ZNF318: variants seen among roughly 807,000 people sequenced by gnomAD.
ZNF318 encodes zinc finger protein 318.
Under a neutral mutation model 124.2 loss-of-function variants are expected in ZNF318, and 51 were observed. That is an observed-to-expected ratio of 0.41 (90% CI 0.33 to 0.52). The LOEUF is 0.52. ZNF318 is among the 20% of genes least tolerant of loss of function. The pLI, the probability that ZNF318 is intolerant of heterozygous loss-of-function variation, is 0.23. For missense variants in ZNF318, 2,815 were observed against 2,811.2 expected (o/e 1.00, Z -0.03); for synonymous variants, 1,090 against 1,040.7 (o/e 1.05, Z -0.91).
intron 8 of ZNF318, among the ~76,000 whole-genome samples, chr6:43,341,188 C>G (rs1415419872): frequency 1.3e-5 from 2 of 152,168 alleles, no homozygotes; most frequent in Non-Finnish European, 2.9e-5. Flanking sequence ...TGAGTCTCCT[C>G]AAACCCTAAC....
chr6:43,358,792 G>A (rs1214394979), intron 2 of ZNF318, among the ~76,000 whole-genome samples: 1 of 152,088 alleles, frequency 6.6e-6, no homozygotes, highest in African/African-American at 2.4e-5. Flanking sequence ...CTGATCTCAG[G>A]TGATCTGCCC....
intron 3 of ZNF318, among the ~76,000 whole-genome samples, chr6:43,356,463 A>G (rs1779610177): frequency 6.6e-6 from 1 of 152,200 alleles, no homozygotes; most frequent in African/African-American, 2.4e-5. Flanking sequence ...TCCCCAAAAG[A>G]AAAGGAAAAA....
chr6:43,352,195 T>C (rs181985773), intron 5 of ZNF318, among the ~76,000 whole-genome samples, 182 bp downstream of exon 5: 35 of 150,764 alleles, frequency 2.3e-4, no homozygotes, highest in Middle Eastern at 3.5e-3. Context: ...ACCACCACCA[T>C]CATCTGGGAG....
intron 2 of ZNF318, chr6:43,364,320 G>A (rs1779730295): frequency 2.1e-5 from 4 of 189,200 alleles, no homozygotes; most frequent in Non-Finnish European, 2.0e-5. Flanking sequence ...AATATAAAGT[G>A]AATTAAGCCT....
chr6:43,348,833 G>C (rs971061394), intron 5 of ZNF318, among the ~76,000 whole-genome samples: 2 of 152,134 alleles, frequency 1.3e-5, no homozygotes, highest in African/African-American at 4.8e-5. Context: ...AGGTGCTCGA[G>C]ACCAGCCTCA....
Position 43,369,445 on chromosome 6 carries a change from T to C in ZNF318, c.-80A>G, listed in dbSNP as rs1779808599. 4.6e-6 allele frequency: 5 copies of C among 1,091,992 alleles called. No homozygotes were observed. In the South Asian group the frequency reaches 1.8e-4, roughly 39 times the overall value. The allele number at this position is 1,091,992 out of a possible 1,614,324, so 67.6% of individuals were successfully genotyped here. ...CAGGCTCGGAGCGCGCCGCCGCAGC[T>C]GCAGCCGCCGCCACCTCGGCCGCTG... On this transcript the variant is annotated 5_prime_UTR_variant, in exon 1 of 10. Transcript: ENST00000361428.
In ZNF318 at chr6:43,348,540, A is replaced by G. The variant is rs749514702; in HGVS notation, c.2856T>C (p.Ile952=). The G allele has an allele frequency of 2.2e-5, 35 of 1,613,992 alleles. No individual in the cohort carries two copies. The highest frequency in any genetic ancestry group is 2.8e-5 in the Non-Finnish European group (33 of 1,180,032). ...GCCGTAGCTCTGCAATGTCCTTCATAATGTTATCCTGAAGCCGACTCACCT... is the reference window on the plus strand; with the variant it reads ...GCCGTAGCTCTGCAATGTCCTTCATGATGTTATCCTGAAGCCGACTCACCT... ...LVEVSRLQDN[I]MKDIAELRQE... The change falls in exon 6 of 10, where the codon ATT becomes ATC. Residue 952 remains isoleucine (I), a synonymous_variant. Coordinates refer to ENST00000361428, the MANE Select transcript of ZNF318 (RefSeq NM_014345.3).
At position 43,355,253 on chromosome 6, in the gene ZNF318, G is replaced by A; in HGVS notation, c.2081C>T (p.Pro694Leu). 1 of 1,614,194 alleles carries A rather than the reference G, an allele frequency of 6.2e-7. No homozygotes were observed. Among genetic ancestry groups the A allele is most frequent in the Middle Eastern group, 1.6e-4 (1 of 6,062 alleles). The change falls in exon 4 of 10, where the codon CCA becomes CTA. Residue 694 changes from proline to leucine, a missense_variant. Coordinates refer to ENST00000361428, the MANE Select transcript of ZNF318 (RefSeq NM_014345.3). ...SNTHSPEVSH[P>L]HPPSPVDPYL... ...AGGATCCACAGGAGAAGGTGGGTGT[G>A]GATGGGACACCTCTGGAGAGTGGGT...
At position 43,342,190 on chromosome 6, in the gene ZNF318, G is replaced by T. The variant is rs1227461850; in HGVS notation, c.3298C>A (p.Pro1100Thr). ...TCACTCTGGGTCTTTGAAGCCCAAG[G>T]TCTGTTGTAGGGATCCAGTGTCTAT... ...HTQTLDPYNRPWASKTQSEAK... is the reference protein window; with the variant it reads ...HTQTLDPYNRTWASKTQSEAK... Residue 1100 changes from proline (P) to threonine (T), a missense_variant, in exon 8 of 10, where the codon CCT (proline) becomes ACT (threonine). Physicochemically the swap from Pro to Thr is conservative, Grantham distance 38. Coordinates refer to ENST00000361428, the MANE Select transcript of ZNF318 (RefSeq NM_014345.3). 6.2e-7 allele frequency: 1 copy of T among 1,613,294 alleles called. No individual in the cohort carries two copies. The highest frequency in any genetic ancestry group is 2.2e-5 in the East Asian group (1 of 44,872).
In ZNF318 at chr6:43,338,813, C is replaced by A. The variant is rs778711191; in HGVS notation, c.5185G>T (p.Val1729Leu). 6.2e-7 allele frequency: 1 copy of A among 1,614,130 alleles called. No individual in the cohort carries two copies. The highest frequency in any genetic ancestry group is 8.5e-7 in the Non-Finnish European group (1 of 1,180,024). The change falls in exon 10 of 10, where the codon GTA (valine) becomes TTA (leucine). Residue 1729 changes from valine (V) to leucine (L), a missense_variant. Around this residue, in one of 4 missense-constraint regions of ZNF318, gnomAD observed 927 missense variants for 820.6 expected, o/e 1.13. Transcript: ENST00000361428. ...LDLGEPGPPG[V>L]EPPPQLLDIQ... ...TCTAACAGTTGAGGAGGTGGTTCTA[C>A]ACCAGGTGGTCCTGGCTCTCCCAGG...
chr6:43,339,517 T>C lies in ZNF318; in HGVS notation c.4481A>G (p.Asn1494Ser), dbSNP rs200065307. The C allele has an allele frequency of 4.0e-5, 64 of 1,614,082 alleles. No homozygotes were observed. In the African/African-American group the frequency reaches 8.4e-4, roughly 21 times the overall value. Residue 1494 changes from asparagine (N) to serine (S), a missense_variant, in exon 10 of 10, where the codon AAC becomes AGC. Asn to Ser is a conservative substitution (Grantham distance 46). Around this residue, in one of 4 missense-constraint regions of ZNF318, gnomAD observed 500 missense variants for 605.2 expected, o/e 0.83. Transcript: ENST00000361428. The surrounding 1 kb of genome is among the most constrained non-coding windows in gnomAD (Gnocchi z 4.2). Reference protein sequence around the residue: ...QTLSPGFVGPNILNPVLPVAI... With the variant: ...QTLSPGFVGPSILNPVLPVAI... ...TACAGGCAACACTGGGTTCAAAATG[T>C]TAGGACCCACGAAGCCAGGGCTGAG...
intron 4 of ZNF318, among the ~76,000 whole-genome samples, 170 bp downstream of exon 4, chr6:43,354,494 C>A (rs185953150): frequency 1.3e-4 from 20 of 152,280 alleles, no homozygotes; most frequent in African/African-American, 4.6e-4. Flanking sequence ...AATGATAAAA[C>A]ATGTGTGAAA....
chr6:43,356,234 T>G (rs1476763215), intron 3 of ZNF318, 89 bp from the exon 4 acceptor site: 5 of 1,380,522 alleles, frequency 3.6e-6, no homozygotes, highest in Non-Finnish European at 4.9e-6. Context: ...TTGGTCTTCC[T>G]GAATTAACAG....
chr6:43,348,741 T>C, intron 5 of ZNF318, 116 bp from the exon 6 acceptor site: 1 of 1,242,864 alleles, frequency 8.0e-7, no homozygotes, highest in South Asian at 1.5e-5. Flanking sequence ...CCCACAAACG[T>C]TTCTAAGAGT....
intron 2 of ZNF318, among the ~76,000 whole-genome samples, chr6:43,362,684 G>A (rs972932096): frequency 4.0e-5 from 6 of 151,790 alleles, no homozygotes; most frequent in African/African-American, 1.4e-4. Context: ...TTGTATTTTT[G>A]GTAGAGACAG....
intron 6 of ZNF318, among the ~76,000 whole-genome samples, chr6:43,346,123 A>G (rs566665327): frequency 6.7e-6 from 1 of 150,122 alleles, no homozygotes; most frequent in Non-Finnish European, 1.5e-5. Context: ...ATTGCCCAGA[A>G]GACAGAGGTT....
Position 43,369,474 on chromosome 6 carries a change from G to T in ZNF318, c.-109C>A. 1.1e-6 allele frequency: 1 copy of T among 902,022 alleles called. No individual in the cohort carries two copies. The highest frequency in any genetic ancestry group is 1.4e-6 in the Non-Finnish European group (1 of 727,726). The allele number at this position is 902,022 out of a possible 1,614,324, so 55.9% of individuals were successfully genotyped here. A position where few individuals can be genotyped will look rare whatever the true frequency, so the allele number is the denominator to read the frequency against. ...GCCGCCGCCACCTCGGCCGCTGCGCGCCGCCTCAGCCGCGGGAGCAGCCCC... is the reference window on the plus strand; with the variant it reads ...GCCGCCGCCACCTCGGCCGCTGCGCTCCGCCTCAGCCGCGGGAGCAGCCCC... On this transcript the variant is annotated 5_prime_UTR_variant, in exon 1 of 10. Transcript: ENST00000361428.
chr6:43,353,273 C>A (rs1779558590), intron 4 of ZNF318, among the ~76,000 whole-genome samples: 2 of 152,102 alleles, frequency 1.3e-5, no homozygotes, highest in South Asian at 2.1e-4. Flanking sequence ...GTATTTAAGT[C>A]CAATAGAAAC....
chr6:43,350,798 A>G (rs565131903), intron 5 of ZNF318, among the ~76,000 whole-genome samples: 36 of 152,318 alleles, frequency 2.4e-4, no homozygotes, highest in African/African-American at 7.5e-4. Flanking sequence ...TGGGTGACAC[A>G]GCGAGACCCT....
Sources: allele counts gnomAD v4.1 joint callset (sites outside exome capture counted in the v4.1 genomes callset), GRCh38; gene constraint gnomAD v4.1.1; regional missense constraint gnomAD v4.1.1; non-coding constraint Gnocchi (gnomAD v3.1); transcripts MANE v1.5; gene names NCBI Gene and HGNC (gene_info 2026-07-23, HGNC 2026-07-21).